The following CHN2 variants were observed in gnomAD, a reference collection of about 807,000 sequenced individuals.
The protein encoded by CHN2 is beta-chimaerin.
Under a neutral mutation model 56.3 loss-of-function variants are expected in CHN2, and 35 were observed. That is an observed-to-expected ratio of 0.62 (90% CI 0.47 to 0.82). The LOEUF (loss-of-function observed/expected upper bound fraction) is 0.82, where lower values mean the gene tolerates loss of function less well. Ranked by LOEUF, CHN2 falls within the 40% of genes least tolerant of loss-of-function variation. The pLI is 0.00. For missense variants in CHN2, 491 were observed against 580.5 expected (o/e 0.85, Z 1.58); for synonymous variants, 210 against 212.8 (o/e 0.99, Z 0.12).
At chr7:29,179,397 A>G (rs923369279) in intron 2 of CHN2, among the ~76,000 whole-genome samples, 8 of 152,134 alleles carry the variant, frequency 5.3e-5, no homozygotes, top group African/African-American at 1.9e-4. Context: ...TGAAGAAAAG[A>G]CTCCAGAATG....
chr7:29,392,550 A>G (rs1189457511), intron 3 of CHN2, among the ~76,000 whole-genome samples: 1 of 152,192 alleles, frequency 6.6e-6, no homozygotes, highest in Admixed American at 6.5e-5. Context: ...AAGTGTCTAG[A>G]TGATAAGTTT....
intron 1 of CHN2, among the ~76,000 whole-genome samples, chr7:29,323,792 T>C (rs1323232838): frequency 6.6e-6 from 1 of 151,346 alleles, no homozygotes; most frequent in African/African-American, 2.4e-5. Context: ...GGTCAGGAGA[T>C]CAAGACCATC....
chr7:29,187,361 G>GTA (rs2128750207), intron 2 of CHN2, among the ~76,000 whole-genome samples: 1 of 152,136 alleles, frequency 6.6e-6, no homozygotes, highest in South Asian at 2.1e-4. Context: ...GTGTGTGTGT[G>GTA]TGTGACAAAG....
chr7:29,237,009 G>A (rs1408810507), intron 1 of CHN2, among the ~76,000 whole-genome samples: 1 of 152,208 alleles, frequency 6.6e-6, no homozygotes, highest in African/African-American at 2.4e-5. Context: ...AGGTTCCAGG[G>A]AAGAGGACAT....
At chr7:29,335,980 GCT>G (rs1796587023) in intron 1 of CHN2, 1 of 152,410 alleles carries the variant, frequency 6.6e-6, no homozygotes, top group Non-Finnish European at 1.5e-5. Context: ...CACACGGACA[GCT>G]CCAGTGGGGT....
intron 1 of CHN2, among the ~76,000 whole-genome samples, chr7:29,210,247 GCACCCAGC>G (rs1327567235): frequency 6.6e-6 from 1 of 151,998 alleles, no homozygotes; most frequent in Non-Finnish European, 1.5e-5. Context: ...TTTGTTCCAG[GCACCCAGC>G]CTGTAAGACA....
intron 1 of CHN2, among the ~76,000 whole-genome samples, chr7:29,275,094 G>A (rs1212606660): frequency 6.6e-6 from 1 of 152,142 alleles, no homozygotes; most frequent in Non-Finnish European, 1.5e-5. Context: ...GATCTTGATG[G>A]TTACTTAACC....
intron 5 of CHN2, among the ~76,000 whole-genome samples, chr7:29,399,672 T>A (rs1314293704): frequency 6.6e-6 from 1 of 152,186 alleles, no homozygotes; most frequent in Non-Finnish European, 1.5e-5. Context: ...ATGGAAGCCC[T>A]TCCCAGGCCC....
intron 1 of CHN2, among the ~76,000 whole-genome samples, chr7:29,286,423 A>G (rs1046970748): frequency 9.9e-5 from 15 of 152,002 alleles, no homozygotes; most frequent in African/African-American, 3.6e-4. Flanking sequence ...GGGTGCAGGG[A>G]AAGGTGGGGT....
At chr7:29,321,306 G>A (rs1362460351) in intron 1 of CHN2, among the ~76,000 whole-genome samples, 1 of 152,170 alleles carries the variant, frequency 6.6e-6, no homozygotes, top group African/African-American at 2.4e-5. Context: ...AGTCTATAGA[G>A]TGAAAATGGA....
At chr7:29,171,540 C>T (rs1329360940) in intron 2 of CHN2, among the ~76,000 whole-genome samples, 4 of 152,120 alleles carry the variant, frequency 2.6e-5, no homozygotes, top group South Asian at 2.1e-4. Flanking sequence ...CTTTGAAGGG[C>T]TTTCTTTGTA....
Position 29,251,843 on chromosome 7 carries a change from T to C in CHN2, c.49+56853T>C, listed in dbSNP as rs1001614266. ...AAAAATAGAACCTAATTATATGTAA[T>C]TGAAGATAGGGCTTGATGCATGGCA... is the stretch of plus-strand genomic sequence containing the variant. On this transcript the variant is annotated intron_variant, in intron 1 of 12. Coordinates refer to ENST00000222792, the MANE Select transcript of CHN2 (RefSeq NM_004067.4). Among the ~76,000 whole-genome samples the C allele has an allele frequency of 3.3e-5, 5 of 152,312 alleles. No individual in the cohort carries two copies. The East Asian group carries it at 7.7e-4, about 23-fold the overall frequency.
At chr7:29,406,304 C>T (rs563602199) in intron 6 of CHN2, among the ~76,000 whole-genome samples, 176 of 152,206 alleles carry the variant, frequency 1.2e-3, no homozygotes, top group Non-Finnish European at 1.6e-3. Context: ...GGTATATGCA[C>T]GTTGTGGAGC....
intron 1 of CHN2, among the ~76,000 whole-genome samples, chr7:29,232,080 A>T (rs1052963763): frequency 4.6e-5 from 7 of 152,156 alleles, no homozygotes; most frequent in Admixed American, 3.9e-4. Context: ...GCACGCTTTG[A>T]CTACTGAGAC....
chr7:29,358,583 C>T (rs1798497312), intron 2 of CHN2, among the ~76,000 whole-genome samples: 2 of 152,168 alleles, frequency 1.3e-5, no homozygotes, highest in East Asian at 1.9e-4. Flanking sequence ...CTGCCTCAGC[C>T]TCCCGAGTAG....
At chr7:29,345,699 C>T (rs989691747) in intron 1 of CHN2, among the ~76,000 whole-genome samples, 25 of 152,126 alleles carry the variant, frequency 1.6e-4, no homozygotes, top group East Asian at 1.2e-3. Context: ...AGGACTGGCT[C>T]GTTGCATTTA....
intron 7 of CHN2, among the ~76,000 whole-genome samples, 196 bp downstream of exon 7, chr7:29,480,552 C>A (rs188378393): frequency 6.6e-6 from 1 of 152,324 alleles, no homozygotes; most frequent in East Asian, 1.9e-4. Context: ...CTGCTCAGTG[C>A]TTATGCCTGG....
At chr7:29,296,323 G>C (rs939098496) in intron 1 of CHN2, among the ~76,000 whole-genome samples, 8 of 152,090 alleles carry the variant, frequency 5.3e-5, no homozygotes, top group African/African-American at 1.7e-4. Flanking sequence ...AACCTCAGGT[G>C]ATCCACCTGC....
At chr7:29,305,188 G>A (rs971662405) in intron 1 of CHN2, among the ~76,000 whole-genome samples, 2 of 152,146 alleles carry the variant, frequency 1.3e-5, no homozygotes, top group Non-Finnish European at 2.9e-5. Context: ...GATTGTTGCC[G>A]GGGAAAGGGG....
Sources: gnomAD v4.1 joint callset for allele counts (sites outside exome capture counted in the v4.1 genomes callset) on GRCh38, gnomAD v4.1.1 for gene constraint, MANE v1.5 for transcripts, NCBI Gene and HGNC (gene_info 2026-07-23, HGNC 2026-07-21) for gene names.